Variants in PPP1R12A observed in about 807,000 individuals in gnomAD.
PPP1R12A encodes protein phosphatase 1 regulatory subunit 12A, also known as myosin binding subunit.
Under a neutral mutation model 139.6 loss-of-function variants are expected in PPP1R12A, and 19 were observed. That is an observed-to-expected ratio of 0.14 (90% CI 0.09 to 0.20). The LOEUF (loss-of-function observed/expected upper bound fraction) is 0.20, where lower values mean the gene tolerates loss of function less well. PPP1R12A is among the 10% of genes least tolerant of loss of function. PPP1R12A has a pLI of 1.00. For missense variants in PPP1R12A, 925 were observed against 1,211.5 expected, an observed-to-expected ratio of 0.76 and a Z score of 3.51; for synonymous variants, 427 against 420.6, an observed-to-expected ratio of 1.02 and a Z score of -0.19.
At chr12:79,790,379 T>C (rs1871687113) in intron 20 of PPP1R12A, 88 bp downstream of exon 20, 1 of 967,694 alleles carries the variant, frequency 1.0e-6, no homozygotes, top group Non-Finnish European at 1.5e-6. Context: ...TTCTATAAAC[T>C]TACAAAATCC....
chr12:79,892,323 A>G (rs1351882825), intron 1 of PPP1R12A, among the ~76,000 whole-genome samples: 1 of 152,206 alleles, frequency 6.6e-6, no homozygotes, highest in Non-Finnish European at 1.5e-5. Context: ...CCGAAATTAT[A>G]ACTTGAGAAC....
Position 79,850,673 on chromosome 12 carries a change from T to C in PPP1R12A, c.369-5253A>G, listed in dbSNP as rs116054115. On this transcript the variant is annotated intron_variant, in intron 2 of 24. Coordinates refer to ENST00000450142, the MANE Select transcript of PPP1R12A (RefSeq NM_002480.3). ...GTCCCCACCCAAATCTGATACTGAA[T>C]TGCATTTCTTAGTGTTGCAGCTGGG... 5.2e-3 allele frequency among the ~76,000 whole-genome samples: 791 copies of C among 152,280 alleles called. 5 individuals carry two copies. The highest frequency in any genetic ancestry group is 0.018 in the African/African-American group (751 of 41,564).
intron 14 of PPP1R12A, among the ~76,000 whole-genome samples, chr12:79,804,165 T>G (rs901693515): frequency 6.6e-6 from 1 of 152,022 alleles, no homozygotes; most frequent in Non-Finnish European, 1.5e-5. Context: ...TCCTTCTTCC[T>G]TTCAATAACC....
intron 17 of PPP1R12A, among the ~76,000 whole-genome samples, chr12:79,796,437 T>A (rs1872526182): frequency 6.6e-6 from 1 of 152,188 alleles, no homozygotes; most frequent in Non-Finnish European, 1.5e-5. Context: ...AATGATATGA[T>A]CTACACAGTA....
chr12:79,917,119 A>G (rs1274441929), intron 1 of PPP1R12A, among the ~76,000 whole-genome samples: 1 of 152,180 alleles, frequency 6.6e-6, no homozygotes, highest in Non-Finnish European at 1.5e-5. Flanking sequence ...CTTATATAGT[A>G]TTCCCACATA....
intron 2 of PPP1R12A, among the ~76,000 whole-genome samples, chr12:79,847,912 A>G: frequency 6.6e-6 from 1 of 152,148 alleles, no homozygotes; most frequent in East Asian, 1.9e-4. Flanking sequence ...TCCTTAGAAT[A>G]AATGAAATAA....
intron 19 of PPP1R12A, among the ~76,000 whole-genome samples, chr12:79,792,648 C>T (rs935580130): frequency 1.3e-5 from 2 of 152,042 alleles, no homozygotes; most frequent in African/African-American, 4.8e-5. Context: ...ATACAGTATA[C>T]ATCAATATGC....
intron 17 of PPP1R12A, 105 bp downstream of exon 17, chr12:79,796,676 AC>A: frequency 2.2e-6 from 2 of 907,862 alleles, no homozygotes; most frequent in Non-Finnish European, 3.2e-6. Context: ...TCGATGAATC[AC>A]AAGTTAGGAT....
intron 1 of PPP1R12A, among the ~76,000 whole-genome samples, chr12:79,886,628 T>C (rs971504433): frequency 2.0e-5 from 3 of 152,082 alleles, no homozygotes; most frequent in Admixed American, 6.6e-5. Flanking sequence ...CAAAGAGAGA[T>C]CACAATATAT....
Position 79,795,662 on chromosome 12 carries a change from T to A in PPP1R12A, c.2559A>T (p.Thr853=), listed in dbSNP as rs1387730863. 1 of 1,611,862 alleles carries A rather than the reference T, an allele frequency of 6.2e-7. No homozygotes were observed. The highest frequency in any genetic ancestry group is 8.5e-7 in the Non-Finnish European group (1 of 1,179,274). The part of the protein sequence containing the change: ...RRRPREKRRS[T]GVSFWTQDSD... Reference sequence around the variant, plus strand: ...CATCTTGTGTCCAAAATGAAACTCCTGTAGATCTTCTTTTCTCTCTTGGTC... The same window carrying A: ...CATCTTGTGTCCAAAATGAAACTCCAGTAGATCTTCTTTTCTCTCTTGGTC... The change falls in exon 18 of 25, where the codon ACA becomes ACT. Residue 853 remains threonine, a synonymous_variant. Coordinates refer to ENST00000450142, the MANE Select transcript of PPP1R12A (RefSeq NM_002480.3).
At chr12:79,843,631 TATAGATATAG>T (rs1879033381) in intron 3 of PPP1R12A, among the ~76,000 whole-genome samples, 2 of 127,972 alleles carry the variant, frequency 1.6e-5, no homozygotes, top group African/African-American at 5.9e-5. Flanking sequence ...TAGATATAGA[TATAGATATAG>T]ATATAGATAT....
At position 79,827,685 on chromosome 12, in the gene PPP1R12A, G is replaced by A. The variant is rs561119641; in HGVS notation, c.792+635C>T. On this transcript the variant is annotated intron_variant, in intron 5 of 24. Coordinates refer to ENST00000450142, the MANE Select transcript of PPP1R12A (RefSeq NM_002480.3). Reference sequence around the variant, plus strand: ...ATCTTTTCATGATTTTGTGAAAAACGCTTGTATGACATTTTCTCCCTCCCT... The same window carrying A: ...ATCTTTTCATGATTTTGTGAAAAACACTTGTATGACATTTTCTCCCTCCCT... Among the ~76,000 whole-genome samples the A allele has an allele frequency of 2.2e-4, 33 of 152,162 alleles. No individual in the cohort carries two copies. The South Asian group carries it at 6.6e-3, about 31-fold the overall frequency.
chr12:79,797,835 A>T (rs924983812), intron 15 of PPP1R12A, among the ~76,000 whole-genome samples: 1 of 152,178 alleles, frequency 6.6e-6, no homozygotes, highest in Admixed American at 6.5e-5. Flanking sequence ...GAAAAGTATA[A>T]AGACAGAAAA....
intron 1 of PPP1R12A, among the ~76,000 whole-genome samples, chr12:79,930,185 T>C (rs1020255766): frequency 6.6e-6 from 1 of 152,058 alleles, no homozygotes; most frequent in East Asian, 1.9e-4. Context: ...AGAATTTTAA[T>C]TGGCAAACGA....
At chr12:79,837,457 G>A (rs900187239) in intron 3 of PPP1R12A, among the ~76,000 whole-genome samples, 3 of 152,056 alleles carry the variant, frequency 2.0e-5, no homozygotes. Context: ...AATAAGAAAA[G>A]CCAAAAGAAT....
At chr12:79,795,182 AG>A (rs1231595711) in intron 18 of PPP1R12A, among the ~76,000 whole-genome samples, 4 of 152,188 alleles carry the variant, frequency 2.6e-5, no homozygotes, top group Non-Finnish European at 5.9e-5. Flanking sequence ...ATCAAGGACC[AG>A]GAAAACACTA....
At chr12:79,929,563 C>T (rs1592850970) in intron 1 of PPP1R12A, among the ~76,000 whole-genome samples, 1 of 151,908 alleles carries the variant, frequency 6.6e-6, no homozygotes, top group South Asian at 2.1e-4. Context: ...GTCAGGAGTT[C>T]GAAATGAGCC....
intron 3 of PPP1R12A, among the ~76,000 whole-genome samples, chr12:79,843,622 A>AGAT (rs1408048952): frequency 3.7e-5 from 3 of 80,556 alleles, no homozygotes; most frequent in Admixed American, 1.4e-4. Context: ...ATATAGATAT[A>AGAT]GATATAGATA....
At chr12:79,824,337 T>G (rs1876503265) in intron 5 of PPP1R12A, among the ~76,000 whole-genome samples, 1 of 152,208 alleles carries the variant, frequency 6.6e-6, no homozygotes, top group Non-Finnish European at 1.5e-5. Flanking sequence ...TAAATATCAT[T>G]TTAAGCATTA....
Sources: allele counts gnomAD v4.1 joint callset (sites outside exome capture counted in the v4.1 genomes callset), GRCh38; gene constraint gnomAD v4.1.1; transcripts MANE v1.5; gene names NCBI Gene and HGNC (gene_info 2026-07-23, HGNC 2026-07-21).